Variants in DOP1B observed in about 807,000 individuals in gnomAD.
DOP1B encodes protein DOP1B.
A neutral mutation model predicts 233.5 loss-of-function variants in DOP1B; 174 were observed. That is an observed-to-expected ratio of 0.75 (90% CI 0.66 to 0.85). DOP1B has a LOEUF of 0.85. Ranked by LOEUF, DOP1B falls within the 40% of genes least tolerant of loss-of-function variation. The pLI is 0.00. For missense variants in DOP1B, 2,652 were observed against 2,846.6 expected (o/e 0.93, Z 1.56); for synonymous variants, 1,190 against 1,185.6 (o/e 1.00, Z -0.08).
At chr21:36,248,922 T>G (rs1205426391) in intron 21 of DOP1B, among the ~76,000 whole-genome samples, 2 of 151,714 alleles carry the variant, frequency 1.3e-5, no homozygotes, top group Non-Finnish European at 2.9e-5. Context: ...CTGGCCAACA[T>G]GGTGAAACCC....
intron 1 of DOP1B, among the ~76,000 whole-genome samples, chr21:36,163,873 G>T (rs1044395197): frequency 1.3e-5 from 2 of 152,194 alleles, no homozygotes; most frequent in African/African-American, 2.4e-5. Context: ...TGTGACTTTC[G>T]TGCATGTTTC....
intron 2 of DOP1B, among the ~76,000 whole-genome samples, chr21:36,180,138 T>A (rs976983869): frequency 1.1e-4 from 16 of 151,242 alleles, no homozygotes; most frequent in Admixed American, 6.6e-5. Flanking sequence ...TTTATAAAGT[T>A]AAAAAAAAAC....
rs768366344 is a variant in DOP1B, at chr21:36,293,534, G to C, written c.6860G>C (p.Cys2287Ser). Residue 2287 changes from cysteine to serine, a missense_variant, in exon 37 of 37, where the codon TGC becomes TCC. Transcript: ENST00000691173. ...AGGATCTTAAAACAACTGGAAGAAT[G>C]CATCGAATATGATTTTCTGGAACAT... ...SPRILKQLEECIEYDFLEHPE... is the reference protein window; with the variant it reads ...SPRILKQLEESIEYDFLEHPE... The C allele has an allele frequency of 3.7e-6, 6 of 1,614,142 alleles. No homozygotes were observed. The Admixed American group carries it at 1.0e-4, about 27-fold the overall frequency.
At chr21:36,169,839 G>A (rs1200338254) in intron 2 of DOP1B, 30 of 946,248 alleles carry the variant, frequency 3.2e-5, no homozygotes, top group Non-Finnish European at 5.1e-5. Flanking sequence ...AACACCTTTT[G>A]CACTCATCGT....
rs79278747 is a variant in DOP1B at position 36,232,666 on chromosome 21, C to T, written c.2351-138C>T. 790 of 1,135,388 alleles carry T rather than the reference C, an allele frequency of 7.0e-4. 3 individuals are homozygous for T. The African/African-American group carries it at 0.011, about 16-fold the overall frequency. The allele number at this position is 1,135,388 out of a possible 1,614,324, so 70.3% of individuals were successfully genotyped here. The stretch of plus-strand genomic sequence containing the variant: ...CTTATTTCCAAATAAGTCTCACCAG[C>T]GGGAGGTTAGCGCACTGCTGTCCAG... On this transcript the variant is annotated intron_variant, in intron 14 of 36. Coordinates refer to ENST00000691173, the MANE Select transcript of DOP1B (RefSeq NM_001320714.2).
intron 22 of DOP1B, among the ~76,000 whole-genome samples, chr21:36,251,565 G>A (rs1010385784): frequency 1.3e-5 from 2 of 152,114 alleles, no homozygotes; most frequent in Non-Finnish European, 2.9e-5. Flanking sequence ...AATTATAGGT[G>A]CCCGCCACCA....
intron 2 of DOP1B, among the ~76,000 whole-genome samples, chr21:36,168,306 G>A (rs2065935780): frequency 6.6e-6 from 1 of 152,048 alleles, no homozygotes; most frequent in African/African-American, 2.4e-5. Flanking sequence ...TGGCTATTGT[G>A]AATAGTGTTG....
intron 2 of DOP1B, among the ~76,000 whole-genome samples, chr21:36,195,810 G>T (rs1398239110): frequency 6.6e-6 from 1 of 152,212 alleles, no homozygotes; most frequent in East Asian, 1.9e-4. Flanking sequence ...CTCAAATCAT[G>T]GTGACTTTTA....
intron 30 of DOP1B, among the ~76,000 whole-genome samples, chr21:36,279,227 A>G (rs1479392260): frequency 6.6e-6 from 1 of 151,748 alleles, no homozygotes; most frequent in Non-Finnish European, 1.5e-5. Flanking sequence ...CCTGGGCAAC[A>G]AAGTGAAACC....
At chr21:36,219,175 T>C (rs1290277233) in intron 9 of DOP1B, among the ~76,000 whole-genome samples, 197 bp from the exon 10 acceptor site, 1 of 152,174 alleles carries the variant, frequency 6.6e-6, no homozygotes. Context: ...TCTACAAAAA[T>C]GTTGGCTATT....
rs146034004 is a variant in DOP1B at position 36,164,866 on chromosome 21, A to T, written c.133A>T (p.Asn45Tyr). 5.5e-5 allele frequency: 89 copies of T among 1,610,206 alleles called. No homozygotes were observed. The African/African-American group carries it at 1.1e-3, about 19-fold the overall frequency. The change falls in exon 2 of 37, where the codon AAC becomes TAC. Residue 45 changes from asparagine to tyrosine, a missense_variant. This residue lies in a region of DOP1B where 2,617 missense variants were observed against 2,794.3 expected (regional missense o/e 0.94). Transcript: ENST00000691173. Reference protein sequence around the residue: ...ADLISSLGKLNKALQSNLRYS... With the variant: ...ADLISSLGKLYKALQSNLRYS... ...TCTCATATCTTCACTTGGCAAACTC[A>T]ACAAGGTATGTAGGGTGTATCCTAT...
At chr21:36,212,364 C>A (rs1240911770) in intron 7 of DOP1B, among the ~76,000 whole-genome samples, 1 of 152,242 alleles carries the variant, frequency 6.6e-6, no homozygotes, top group Middle Eastern at 3.4e-3. Context: ...CTTGAAATAC[C>A]ACCAAAAAGT....
chr21:36,221,638 G>A (rs983849089), intron 10 of DOP1B, among the ~76,000 whole-genome samples: 6 of 152,028 alleles, frequency 3.9e-5, no homozygotes, highest in African/African-American at 1.2e-4. Context: ...GTGCAGTGAT[G>A]TGGTCTTGGC....
At chr21:36,259,064 CAT>C (rs2067140177) in intron 23 of DOP1B, among the ~76,000 whole-genome samples, 1 of 148,356 alleles carries the variant, frequency 6.7e-6, no homozygotes, top group South Asian at 2.1e-4. Flanking sequence ...CTCCCAGGTT[CAT>C]GCCATTCTCC....
At position 36,245,068 on chromosome 21, in the gene DOP1B, A is replaced by G; in HGVS notation, c.3088A>G (p.Asn1030Asp). ...TTCAGATGACTTGCACCGTTGGTTT[A>G]ACAGGAAGAAAACCTCTTTCAGAGA... ...NSADDLHRWFNRKKTSFREAC... is the reference protein window; with the variant it reads ...NSADDLHRWFDRKKTSFREAC... The change falls in exon 19 of 37, where the codon AAC (asparagine) becomes GAC (aspartate). Residue 1030 changes from asparagine to aspartate, a missense_variant. Transcript: ENST00000691173. This position sits in a 1 kb window ranked among gnomAD's most constrained non-coding sequence, Gnocchi z 5.5. 1 of 1,597,210 alleles carries G rather than the reference A, an allele frequency of 6.3e-7. No individual in the cohort carries two copies. Among genetic ancestry groups the G allele is most frequent in the Non-Finnish European group, 8.6e-7 (1 of 1,166,346 alleles).
At chr21:36,284,158 C>T (rs1285749563) in intron 32 of DOP1B, among the ~76,000 whole-genome samples, 3 of 151,400 alleles carry the variant, frequency 2.0e-5, no homozygotes, top group African/African-American at 7.3e-5. Flanking sequence ...CCATGTTGAC[C>T]AGGCTGATTT....
chr21:36,231,685 T>TG (rs201456131), intron 14 of DOP1B, among the ~76,000 whole-genome samples: 2 of 150,654 alleles, frequency 1.3e-5, no homozygotes, highest in African/African-American at 2.4e-5. Flanking sequence ...TTTTGTTTTT[T>TG]TTTTTTTTTT....
intron 2 of DOP1B, chr21:36,169,379 C>A: frequency 1.2e-6 from 1 of 832,126 alleles, no homozygotes; most frequent in Non-Finnish European, 2.1e-6. Context: ...CTGCCCAGCA[C>A]ATGCCATGGA....
In DOP1B at chr21:36,223,329, G is replaced by C; in HGVS notation, c.1349G>C (p.Arg450Thr). Residue 450 changes from arginine (R) to threonine (T), a missense_variant, in exon 11 of 37, where the codon AGG becomes ACG. Transcript: ENST00000691173. ...GACTTTCTCTGGGATTATATGACAA[G>C]GTGTTTTGAGGAATGCTTTAGGTAA... is the stretch of plus-strand genomic sequence containing the variant. ...STDFLWDYMT[R>T]CFEECFRPVK... The C allele has an allele frequency of 1.2e-6, 2 of 1,609,378 alleles. No homozygotes were observed. Among genetic ancestry groups the C allele is most frequent in the South Asian group, 2.2e-5 (2 of 89,450 alleles).
Sources: allele counts gnomAD v4.1 joint callset (sites outside exome capture counted in the v4.1 genomes callset), GRCh38; gene constraint gnomAD v4.1.1; regional missense constraint gnomAD v4.1.1; non-coding constraint Gnocchi (gnomAD v3.1); transcripts MANE v1.5; gene names NCBI Gene and HGNC (gene_info 2026-07-23, HGNC 2026-07-21).